The following SCG3 variants were observed in gnomAD, a reference collection of about 807,000 sequenced individuals.
The protein encoded by SCG3 is secretogranin III, also known as secretogranin-3.
A neutral mutation model predicts 56.2 loss-of-function variants in SCG3; 38 were observed. That is an observed-to-expected ratio of 0.68 (90% CI 0.52 to 0.89). The LOEUF is 0.89. Among genes scored for constraint, SCG3 ranks in the 40% least tolerant of loss-of-function variants. The pLI, the probability that SCG3 is intolerant of heterozygous loss-of-function variation, is 0.00. For missense variants in SCG3, 524 were observed against 540.7 expected, an observed-to-expected ratio of 0.97 and a Z score of 0.31; for synonymous variants, 176 against 184.2, an observed-to-expected ratio of 0.96 and a Z score of 0.36.
At chr15:51,692,127 G>A (rs1312781242) in intron 6 of SCG3, 32 bp from the exon 7 acceptor site, 1 of 1,568,638 alleles carries the variant, frequency 6.4e-7, no homozygotes, top group Non-Finnish European at 8.6e-7. Flanking sequence ...CTAACAAAAT[G>A]TTCATTTTTT....
intron 4 of SCG3, among the ~76,000 whole-genome samples, chr15:51,685,796 T>C (rs2055225208): frequency 6.6e-6 from 1 of 152,238 alleles, no homozygotes; most frequent in African/African-American, 2.4e-5. Flanking sequence ...GTGTTTTCTA[T>C]AGTATGCACA....
intron 10 of SCG3, among the ~76,000 whole-genome samples, chr15:51,702,096 A>T (rs1295537824): frequency 6.6e-6 from 1 of 152,170 alleles, no homozygotes; most frequent in African/African-American, 2.4e-5. Flanking sequence ...AAAAAATTTG[A>T]ATTTAACAAA....
At chr15:51,708,289 G>A (rs2141577050) in intron 10 of SCG3, 1 of 152,324 alleles carries the variant, frequency 6.6e-6, no homozygotes, top group South Asian at 2.1e-4. Context: ...AAAGAGAAAA[G>A]TCAATATGAG....
At chr15:51,688,475 C>A in intron 5 of SCG3, 73 bp downstream of exon 5, 1 of 1,385,470 alleles carries the variant, frequency 7.2e-7, no homozygotes, top group Non-Finnish European at 1.0e-6. Context: ...AAGTCACTTG[C>A]CTCAAGTAGC....
chr15:51,702,265 T>C (rs747817673), intron 10 of SCG3, among the ~76,000 whole-genome samples: 14 of 152,296 alleles, frequency 9.2e-5, no homozygotes, highest in Non-Finnish European at 1.6e-4. Context: ...TTTATTTTAT[T>C]TTATTTTTTG....
At position 51,719,420 on chromosome 15, in the gene SCG3, C is replaced by T; in HGVS notation, c.1301C>T (p.Ser434Leu). The T allele has an allele frequency of 6.2e-7, 1 of 1,612,626 alleles. No individual in the cohort carries two copies. Among genetic ancestry groups the T allele is most frequent in the Non-Finnish European group, 8.5e-7 (1 of 1,178,908 alleles). ...TAATATTTTCCAGATTATGACCTTT[C>T]AAAGATGAGAGACTTCATCAATAAA... ...KKGNKEDYDL[S>L]KMRDFINKQA... The change falls in exon 12 of 12, where the codon TCA becomes TTA. Residue 434 changes from serine (S) to leucine (L), a missense_variant. Transcript: ENST00000220478.
intron 11 of SCG3, among the ~76,000 whole-genome samples, chr15:51,718,916 C>T (rs1044997431): frequency 1.3e-5 from 2 of 152,146 alleles, no homozygotes; most frequent in Non-Finnish European, 2.9e-5. Flanking sequence ...GAAGTCAGAA[C>T]ACCCGGTTCT....
Position 51,702,818 on chromosome 15 carries a change from A to G in SCG3, c.1207+1574A>G, listed in dbSNP as rs550548237. 2.6e-5 allele frequency among the ~76,000 whole-genome samples: 4 copies of G among 152,116 alleles called. No individual in the cohort carries two copies. In the East Asian group the frequency reaches 7.7e-4, roughly 29 times the overall value. On this transcript the variant is annotated intron_variant, in intron 10 of 11. Transcript: ENST00000220478. ...TGAACAAACGGTTTGAACCTACCTT[A>G]TTTTTCTGTCATTATGATATATTGG...
At chr15:51,685,976 A>G (rs2055226309) in intron 4 of SCG3, among the ~76,000 whole-genome samples, 1 of 152,242 alleles carries the variant, frequency 6.6e-6, no homozygotes, top group Admixed American at 6.5e-5. Context: ...AGTGTCTGAC[A>G]CATAATAAGA....
At chr15:51,719,341 G>A in intron 11 of SCG3, 67 bp from the exon 12 acceptor site, 1 of 1,037,132 alleles carries the variant, frequency 9.6e-7, no homozygotes, top group Non-Finnish European at 1.5e-6. Context: ...CTCAGTTAAT[G>A]GTAATCACTG....
intron 6 of SCG3, 30 bp downstream of exon 6, chr15:51,689,398 GGGGTGTGTGT>G (rs763648244): frequency 2.0e-4 from 184 of 903,822 alleles, no homozygotes; most frequent in Middle Eastern, 1.0e-3. Context: ...CATATGCATG[GGGGTGTGTGT>G]GTGTGTGTGT....
chr15:51,684,780 A>G (rs964349945), intron 4 of SCG3, among the ~76,000 whole-genome samples: 9 of 152,216 alleles, frequency 5.9e-5, no homozygotes, highest in Admixed American at 3.3e-4. Context: ...TTTCTCCAAA[A>G]CTAAACTGAA....
chr15:51,712,053 G>A (rs2168474), intron 10 of SCG3, among the ~76,000 whole-genome samples: 74,699 of 152,066 alleles, frequency 0.49, 19,494 homozygotes, highest in East Asian at 0.73. Flanking sequence ...TCTGCTACTT[G>A]TTAGTCATGT....
chr15:51,704,244 C>CACAT (rs1555457964), intron 10 of SCG3, among the ~76,000 whole-genome samples: 1 of 73,600 alleles, frequency 1.4e-5, no homozygotes, highest in Non-Finnish European at 2.6e-5. Context: ...TACATACATA[C>CACAT]ATATATATAT....
intron 10 of SCG3, chr15:51,708,258 G>C (rs2055388522): frequency 2.6e-5 from 4 of 152,136 alleles, no homozygotes; most frequent in South Asian, 4.1e-4. Flanking sequence ...GTAAATAAAA[G>C]ATTTGCTTTA....
chr15:51,709,701 A>ATATTTTTTTTTTTTTTT (rs2055404633), intron 10 of SCG3, among the ~76,000 whole-genome samples: 1 of 22,964 alleles, frequency 4.4e-5, no homozygotes, highest in Non-Finnish European at 6.5e-5. Flanking sequence ...ATATATATAT[A>ATATTTTTTTTTTTTTTT]TTTTTTTTTT....
intron 10 of SCG3, among the ~76,000 whole-genome samples, chr15:51,709,701 ATTTTTTTTTTTTTTTTTT>A (rs869162420): frequency 4.4e-5 from 1 of 22,962 alleles, no homozygotes; most frequent in East Asian, 3.1e-3. Context: ...ATATATATAT[ATTTTTTTTTTTTTTTTTT>A]TTTTTTTTTT....
intron 10 of SCG3, among the ~76,000 whole-genome samples, chr15:51,704,228 T>TATAC (rs71458464): frequency 0.017 from 1,763 of 103,154 alleles, 52 homozygotes; most frequent in Non-Finnish European, 0.02. Flanking sequence ...TATATGTGTG[T>TATAC]ATACATACAT....
chr15:51,687,170 A>T (rs1427454476), intron 4 of SCG3, among the ~76,000 whole-genome samples: 1 of 152,312 alleles, frequency 6.6e-6, no homozygotes, highest in East Asian at 1.9e-4. Context: ...ATTAGCTTTC[A>T]TATATTAGGT....
Sources: gnomAD v4.1 joint callset for allele counts (sites outside exome capture counted in the v4.1 genomes callset) on GRCh38, gnomAD v4.1.1 for gene constraint, MANE v1.5 for transcripts, NCBI Gene and HGNC (gene_info 2026-07-23, HGNC 2026-07-21) for gene names.